LYPD3: variants seen among roughly 807,000 people sequenced by gnomAD.
LYPD3 encodes the protein ly6/PLAUR domain-containing protein 3.
A neutral mutation model predicts 21.7 loss-of-function variants in LYPD3; 22 were observed. The observed-to-expected ratio is 1.01, with a 90% CI of 0.72 to 1.45. The LOEUF (loss-of-function observed/expected upper bound fraction) is 1.45. Among genes scored for constraint, LYPD3 ranks in the 40% most tolerant of loss-of-function variants. The pLI is 0.00. For missense variants in LYPD3, 471 were observed against 466.9 expected (o/e 1.01, Z -0.08); for synonymous variants, 179 against 203.0 (o/e 0.88, Z 1.00).
At chr19:43,464,179 C>T in intron 2 of LYPD3, 146 bp downstream of exon 2, 2 of 1,078,750 alleles carry the variant, frequency 1.9e-6, no homozygotes, top group South Asian at 1.6e-5. Context: ...GCCTGCAAGG[C>T]TGTGTCGTAG....
chr19:43,462,076 A>G (rs908101879), intron 4 of LYPD3, among the ~76,000 whole-genome samples: 1 of 152,012 alleles, frequency 6.6e-6, no homozygotes, highest in Admixed American at 6.6e-5. Context: ...AATGAGACAG[A>G]AAGTCTCTGC....
chr19:43,463,987 C>T, intron 2 of LYPD3: 1 of 627,812 alleles, frequency 1.6e-6, no homozygotes, highest in Admixed American at 2.9e-5. Context: ...GGGGCGGAAC[C>T]TCAAAGAGCT....
rs746245641 is a variant in LYPD3, at chr19:43,461,854, G to A, written c.545-7C>T. On this transcript the variant is annotated splice_polypyrimidine_tract_variant and splice_region_variant and intron_variant, in intron 4 of 4. Transcript: ENST00000244333. ...AAGGACACAGTCACATTAGCTGCAG[G>A]AAGGAGACACAGATAGGTCAGTGGC... 20 of 1,601,226 alleles carry A rather than the reference G, an allele frequency of 1.2e-5. No individual in the cohort carries two copies. The highest frequency in any genetic ancestry group is 1.7e-5 in the Non-Finnish European group (20 of 1,169,990).
Position 43,463,336 on chromosome 19 carries a change from C to T in LYPD3, c.383-49G>A, listed in dbSNP as rs1338266338. 7.6e-6 allele frequency: 12 copies of T among 1,587,400 alleles called. No individual in the cohort carries two copies. In the East Asian group the frequency reaches 2.7e-4, roughly 36 times the overall value. Reference sequence around the variant, plus strand: ...AAAAGGTGTCGAAAGGGTTCGGGAACCGCAGCTCGTCCTCTAGCCCCGCCC... The same window carrying T: ...AAAAGGTGTCGAAAGGGTTCGGGAATCGCAGCTCGTCCTCTAGCCCCGCCC... On this transcript the variant is annotated intron_variant, in intron 3 of 4. Transcript: ENST00000244333.
chr19:43,461,381 C>G lies in LYPD3; in HGVS notation c.1011G>C (p.Leu337=). The G allele has an allele frequency of 6.2e-7, 1 of 1,609,082 alleles. No individual in the cohort carries two copies. The highest frequency in any genetic ancestry group is 1.1e-5 in the South Asian group (1 of 90,932). ...VAPTAGLAAL[L]LAVAAGVLL Reference sequence around the variant, plus strand: ...GTAGGACACCAGCAGCCACGGCCAACAGAAGGGCTGCCAATCCAGCTGTGG... The same window carrying G: ...GTAGGACACCAGCAGCCACGGCCAAGAGAAGGGCTGCCAATCCAGCTGTGG... Residue 337 remains leucine (L), a synonymous_variant, in exon 5 of 5, where the codon CTG becomes CTC. Transcript: ENST00000244333.
intron 2 of LYPD3, 64 bp from the exon 3 acceptor site, chr19:43,463,833 G>T: frequency 1.3e-6 from 2 of 1,499,782 alleles, no homozygotes; most frequent in Non-Finnish European, 1.8e-6. Flanking sequence ...GTGGCCCAGA[G>T]TTGGGTAGGG....
chr19:43,463,837 G>A, intron 2 of LYPD3, 68 bp from the exon 3 acceptor site: 1 of 1,525,658 alleles, frequency 6.6e-7, no homozygotes, highest in Non-Finnish European at 9.0e-7. Context: ...CCCAGAGTTG[G>A]GTAGGGTCTG....
chr19:43,465,446 A>T (rs760662339), intron 1 of LYPD3, 47 bp downstream of exon 1: 8 of 1,591,598 alleles, frequency 5.0e-6, no homozygotes, highest in Non-Finnish European at 6.8e-6. Context: ...CCTCCTCCCT[A>T]AGAGCCCCCA....
At position 43,461,685 on chromosome 19, in the gene LYPD3, G is replaced by A; in HGVS notation, c.707C>T (p.Pro236Leu). The A allele has an allele frequency of 3.1e-6, 5 of 1,614,146 alleles. No homozygotes were observed. Among genetic ancestry groups the A allele is most frequent in the Non-Finnish European group, 4.2e-6 (5 of 1,180,036 alleles). Residue 236 changes from proline (P) to leucine (L), a missense_variant, in exon 5 of 5, where the codon CCA becomes CTA. By Grantham distance (98) the Pro-to-Leu change is moderately conservative. Coordinates refer to ENST00000244333, the MANE Select transcript of LYPD3 (RefSeq NM_014400.3). ...TGGAGGGGGCAGCCGGACAAGGGGT[G>A]GGATTCGAGGGGAGAAGTAGGTCTT... ...RNKTYFSPRI[P>L]PLVRLPPPEP...
At chr19:43,463,378 G>T (rs926970050) in intron 3 of LYPD3, 91 bp from the exon 4 acceptor site, 2 of 1,479,032 alleles carry the variant, frequency 1.4e-6, no homozygotes, top group Middle Eastern at 1.7e-4. Flanking sequence ...CCTGGCCCCG[G>T]CACTATCGAT....
chr19:43,461,884 G>T (rs762048180), intron 4 of LYPD3, 37 bp from the exon 5 acceptor site: 17 of 1,582,324 alleles, frequency 1.1e-5, no homozygotes, highest in Non-Finnish European at 1.5e-5. Flanking sequence ...AGTGGCTGGA[G>T]GGAGAGAGGT....
rs769573424 is a variant in LYPD3 at position 43,463,581 on chromosome 19, G to A, written c.382+18C>T. The stretch of plus-strand genomic sequence containing the variant: ...AATGTGGCTCCGCCCCCGCAGCTAC[G>A]GCCCGGCCCCCACGGACCTGCCGGG... On this transcript the variant is annotated intron_variant, in intron 3 of 4. Transcript: ENST00000244333. 1 of 1,598,170 alleles carries A rather than the reference G, an allele frequency of 6.3e-7. No individual in the cohort carries two copies. Among genetic ancestry groups the A allele is most frequent in the African/African-American group, 1.3e-5 (1 of 74,988 alleles).
chr19:43,463,975 C>A lies in LYPD3; in HGVS notation c.212-206G>T, dbSNP rs1005274412. 11 of 640,444 alleles carry A rather than the reference C, an allele frequency of 1.7e-5. No individual in the cohort carries two copies. The Admixed American group carries it at 2.0e-4, about 12-fold the overall frequency. 39.7% of individuals were successfully genotyped at this position (640,444 alleles called of 1,614,324 possible). On this transcript the variant is annotated intron_variant, in intron 2 of 4. Transcript: ENST00000244333. ...AGCAGGGAGGAGCGGGGTCACGGAACGGGGGCGGAACCTCAAAGAGCTGAG... is the reference window on the plus strand; with the variant it reads ...AGCAGGGAGGAGCGGGGTCACGGAAAGGGGGCGGAACCTCAAAGAGCTGAG...
intron 1 of LYPD3, 67 bp downstream of exon 1, chr19:43,465,426 G>C: frequency 2.6e-6 from 4 of 1,548,454 alleles, no homozygotes; most frequent in Non-Finnish European, 3.5e-6. Context: ...TCTGTACGGG[G>C]CCAGAGGAGC....
chr19:43,463,772 AG>A lies in LYPD3; in HGVS notation c.212-4del, dbSNP rs1477915372. On this transcript the variant is annotated splice_region_variant and splice_polypyrimidine_tract_variant and intron_variant, in intron 2 of 4. Coordinates refer to ENST00000244333, the MANE Select transcript of LYPD3 (RefSeq NM_014400.3). ...TGCCAGCGAGAATTGTCCGTGGACT[AG>A]GGAGAGGGACAAGGGCGGGATTAGC... 22 of 1,609,556 alleles carry A rather than the reference AG, an allele frequency of 1.4e-5. No individual in the cohort carries two copies. The highest frequency in any genetic ancestry group is 1.9e-5 in the Non-Finnish European group (22 of 1,177,970).
intron 1 of LYPD3, 44 bp downstream of exon 1, chr19:43,465,449 A>T: frequency 1.3e-6 from 2 of 1,587,010 alleles, no homozygotes; most frequent in Non-Finnish European, 1.7e-6. Context: ...CCTCCCTAAG[A>T]GCCCCCACTC....
At chr19:43,463,816 A>G (rs765024070) in intron 2 of LYPD3, 47 bp from the exon 3 acceptor site, 16 of 1,515,544 alleles carry the variant, frequency 1.1e-5, no homozygotes, top group Non-Finnish European at 3.6e-6. Flanking sequence ...GTGGTCTCAG[A>G]TGGGGCGTGG....
intron 1 of LYPD3, 137 bp from the exon 2 acceptor site, chr19:43,464,593 G>C: frequency 8.6e-7 from 1 of 1,163,644 alleles, no homozygotes; most frequent in Non-Finnish European, 1.2e-6. Flanking sequence ...CAGGAGTAGG[G>C]AAAAGCTTTC....
At position 43,461,663 on chromosome 19, in the gene LYPD3, A is replaced by T; in HGVS notation, c.729T>A (p.Pro243=). The change falls in exon 5 of 5, where the codon CCT becomes CCA. Residue 243 remains proline (P), a synonymous_variant. Coordinates refer to ENST00000244333, the MANE Select transcript of LYPD3 (RefSeq NM_014400.3). The part of the protein sequence containing the change: ...PRIPPLVRLP[P]PEPTTVASTT... ...TTGAGGCCACAGTCGTGGGCTCTGG[A>T]GGGGGCAGCCGGACAAGGGGTGGGA... is the stretch of plus-strand genomic sequence containing the variant. 2 of 1,613,816 alleles carry T rather than the reference A, an allele frequency of 1.2e-6. No individual in the cohort carries two copies. The highest frequency in any genetic ancestry group is 1.7e-6 in the Non-Finnish European group (2 of 1,179,956).
Sources: gnomAD v4.1 joint callset for allele counts (sites outside exome capture counted in the v4.1 genomes callset) on GRCh38, gnomAD v4.1.1 for gene constraint, MANE v1.5 for transcripts, NCBI Gene and HGNC (gene_info 2026-07-23, HGNC 2026-07-21) for gene names.